PDE6A: variants seen among roughly 807,000 people sequenced by gnomAD.
PDE6A encodes the protein rod cGMP-specific 3',5'-cyclic phosphodiesterase subunit alpha.
In PDE6A, 84 loss-of-function variants were observed where a neutral mutation model predicts 106.3. The ratio of observed to expected loss-of-function variants is 0.79; its 90% CI spans 0.66 to 0.95. The LOEUF (loss-of-function observed/expected upper bound fraction) is 0.95. PDE6A is among the 40% of genes least tolerant of loss of function. The pLI, the probability that PDE6A is intolerant of heterozygous loss-of-function variation, is 0.00. For missense variants in PDE6A, 1,052 were observed against 1,084.9 expected, an observed-to-expected ratio of 0.97 and a Z score of 0.43; for synonymous variants, 394 against 386.6, an observed-to-expected ratio of 1.02 and a Z score of -0.23.
Position 149,859,085 on chromosome 5 carries a change from A to G in PDE6A, c.*1810T>C, listed in dbSNP as rs1245403539. On this transcript the variant is annotated 3_prime_UTR_variant, in exon 22 of 22. Transcript: ENST00000255266. ...GGTGATCCACCCACCTTGGCCTCCC[A>G]AAGTGCTGGAATTACAGGCGTGAGC... is the stretch of plus-strand genomic sequence containing the variant. 6.6e-6 allele frequency: 1 copy of G among 152,068 alleles called. No individual in the cohort carries two copies. Among genetic ancestry groups the G allele is most frequent in the Non-Finnish European group, 1.5e-5 (1 of 68,020 alleles). 9.4% of individuals were successfully genotyped at this position (152,068 alleles called of 1,614,324 possible). A position where few individuals can be genotyped will look rare whatever the true frequency, so the allele number is the denominator to read the frequency against.
chr5:149,868,061 A>T (rs1356229780), intron 18 of PDE6A, 34 bp downstream of exon 18: 1 of 1,601,240 alleles, frequency 6.2e-7, no homozygotes, highest in Non-Finnish European at 8.6e-7. Flanking sequence ...CAGTACTGGG[A>T]TGCCCCTCCT....
intron 4 of PDE6A, among the ~76,000 whole-genome samples, chr5:149,924,925 G>T (rs1422055453): frequency 6.6e-6 from 1 of 152,124 alleles, no homozygotes; most frequent in African/African-American, 2.4e-5. Context: ...AAGGAGGAGA[G>T]ACCCTTGAAA....
At chr5:149,879,790 G>A (rs1409976898) in intron 17 of PDE6A, among the ~76,000 whole-genome samples, 1 of 151,986 alleles carries the variant, frequency 6.6e-6, no homozygotes, top group Non-Finnish European at 1.5e-5. Context: ...ATTCCATGGT[G>A]TATATGTGCC....
rs1440962045 is a variant in PDE6A at position 149,903,434 on chromosome 5, A to G, written c.1113+214T>C. Among the ~76,000 whole-genome samples, 4 of 151,834 alleles carry G rather than the reference A, an allele frequency of 2.6e-5. No individual in the cohort carries two copies. In the South Asian group the frequency reaches 8.3e-4, roughly 32 times the overall value. Reference sequence around the variant, plus strand: ...GGAAAAATAGATCCTGAGGCCAGAAAGCAAAGAGTGTGAATGTTAAAACTG... The same window carrying G: ...GGAAAAATAGATCCTGAGGCCAGAAGGCAAAGAGTGTGAATGTTAAAACTG... On this transcript the variant is annotated intron_variant, in intron 8 of 21. Coordinates refer to ENST00000255266, the MANE Select transcript of PDE6A (RefSeq NM_000440.3).
chr5:149,867,484 G>A (rs1760372430), intron 19 of PDE6A: 1 of 602,912 alleles, frequency 1.7e-6, no homozygotes, highest in Admixed American at 2.6e-5. Flanking sequence ...CATTGCAGGG[G>A]CCCACCCCCA....
At chr5:149,935,418 C>T (rs1183976769) in intron 1 of PDE6A, among the ~76,000 whole-genome samples, 1 of 152,188 alleles carries the variant, frequency 6.6e-6, no homozygotes, top group Non-Finnish European at 1.5e-5. Context: ...TCTAGCACCA[C>T]ACAACCAGTT....
In PDE6A at chr5:149,895,381, A is replaced by G. The variant is rs2113583195; in HGVS notation, c.1621-91T>C. ...CAAAAATATGAAGAAGGCATGGCCC[A>G]TGGCCCTCTCTTTTGAGGTTTGAGG... On this transcript the variant is annotated intron_variant, in intron 12 of 21. Transcript: ENST00000255266. 9 of 875,264 alleles carry G rather than the reference A, an allele frequency of 1.0e-5. No individual in the cohort carries two copies. The South Asian group carries it at 1.1e-4, about 10-fold the overall frequency. 54.2% of individuals were successfully genotyped at this position (875,264 alleles called of 1,614,324 possible). A position where few individuals can be genotyped will look rare whatever the true frequency, so the allele number is the denominator to read the frequency against.
chr5:149,899,362 T>C lies in PDE6A; in HGVS notation c.1263+13A>G, dbSNP rs766028239. ...TGAATCCCAACAGCAAAAGGCCTCCTAGCAAGCCATACCTCCATGAGCGTC... is the reference window on the plus strand; with the variant it reads ...TGAATCCCAACAGCAAAAGGCCTCCCAGCAAGCCATACCTCCATGAGCGTC... On this transcript the variant is annotated intron_variant, in intron 9 of 21. Transcript: ENST00000255266. 6 of 1,613,834 alleles carry C rather than the reference T, an allele frequency of 3.7e-6. No homozygotes were observed. The highest frequency in any genetic ancestry group is 4.2e-6 in the Non-Finnish European group (5 of 1,179,850).
chr5:149,920,998 A>AAAGAAAG (rs1561769648), intron 5 of PDE6A, among the ~76,000 whole-genome samples: 2 of 134,328 alleles, frequency 1.5e-5, no homozygotes, highest in Non-Finnish European at 3.2e-5. Context: ...AAGAAAGAAA[A>AAAGAAAG]AGAAAGAAAA....
At chr5:149,926,134 C>T (rs747063786) in intron 4 of PDE6A, among the ~76,000 whole-genome samples, 5 of 151,920 alleles carry the variant, frequency 3.3e-5, no homozygotes, top group African/African-American at 4.8e-5. Context: ...CTCATCTACT[C>T]GGGAGACCAA....
At chr5:149,915,593 T>G (rs747247813) in intron 5 of PDE6A, among the ~76,000 whole-genome samples, 28 of 152,064 alleles carry the variant, frequency 1.8e-4, no homozygotes, top group Non-Finnish European at 3.8e-4. Context: ...CAGCTCACAG[T>G]GATCAGGAAG....
chr5:149,932,499 C>T, intron 3 of PDE6A: 1 of 1,361,272 alleles, frequency 7.3e-7, no homozygotes, highest in Non-Finnish European at 1.1e-6. Flanking sequence ...TACAACAATC[C>T]TCTCTGGAAC....
chr5:149,909,598 T>C (rs1053968842), intron 6 of PDE6A, among the ~76,000 whole-genome samples: 1 of 152,206 alleles, frequency 6.6e-6, no homozygotes, highest in African/African-American at 2.4e-5. Flanking sequence ...GGTTTGAATG[T>C]GACACCTATT....
chr5:149,911,177 G>A (rs1035030814), intron 6 of PDE6A, among the ~76,000 whole-genome samples: 1 of 151,868 alleles, frequency 6.6e-6, no homozygotes, highest in African/African-American at 2.4e-5. Context: ...CACTGTGCCC[G>A]GCAACAAGCC....
intron 18 of PDE6A, 66 bp from the exon 19 acceptor site, chr5:149,867,865 C>T: frequency 6.8e-7 from 1 of 1,462,616 alleles, no homozygotes; most frequent in Non-Finnish European, 9.5e-7. Flanking sequence ...CCCCTGCTCC[C>T]ACCCCACTTG....
intron 17 of PDE6A, among the ~76,000 whole-genome samples, chr5:149,879,418 G>GCT (rs1760850069): frequency 6.7e-6 from 1 of 148,278 alleles, no homozygotes; most frequent in Admixed American, 6.7e-5. Context: ...TTTTTTTTAG[G>GCT]TTTTTTTTTT....
chr5:149,928,214 T>C (rs1257070531), intron 4 of PDE6A, among the ~76,000 whole-genome samples: 3 of 42,840 alleles, frequency 7.0e-5, no homozygotes, highest in Admixed American at 5.9e-4. Context: ...ATGTGCTATA[T>C]ATATATATAT....
chr5:149,914,889 TG>T, intron 6 of PDE6A, 53 bp downstream of exon 6: 1 of 1,166,670 alleles, frequency 8.6e-7, no homozygotes. Flanking sequence ...TAAAGCCAAT[TG>T]AGATCTTTAA....
intron 4 of PDE6A, among the ~76,000 whole-genome samples, chr5:149,925,015 C>T (rs1276254869): frequency 6.6e-6 from 1 of 152,168 alleles, no homozygotes. Flanking sequence ...GACTGAAGAC[C>T]AGCTTCACAT....
Sources: allele counts gnomAD v4.1 joint callset (sites outside exome capture counted in the v4.1 genomes callset), GRCh38; gene constraint gnomAD v4.1.1; transcripts MANE v1.5; gene names NCBI Gene and HGNC (gene_info 2026-07-23, HGNC 2026-07-21).